The following FGGY variants were observed in gnomAD, a reference collection of about 807,000 sequenced individuals.
The protein encoded by FGGY is FGGY carbohydrate kinase domain containing, also known as FGGY carbohydrate kinase domain-containing protein.
A neutral mutation model predicts 71.3 loss-of-function variants in FGGY; 72 were observed. That is an observed-to-expected ratio of 1.01 (90% CI 0.84 to 1.23). The LOEUF is 1.23. Among genes scored for constraint, FGGY ranks in the 50% most tolerant of loss-of-function variants. The probability of loss-of-function intolerance (pLI) is 0.00; values close to 1 mark genes in which losing one functional copy is unlikely to be tolerated. For missense variants in FGGY, 668 were observed against 682.3 expected (o/e 0.98, Z 0.23); for synonymous variants, 251 against 250.3 (o/e 1.00, Z -0.02).
intron 8 of FGGY, among the ~76,000 whole-genome samples, chr1:59,562,848 A>C (rs1167859668): frequency 2.0e-5 from 3 of 152,184 alleles, no homozygotes; most frequent in African/African-American, 4.8e-5. Context: ...GATCTATGCT[A>C]TGTCAAAACT....
Position 59,510,111 on chromosome 1 carries a change from A to G in FGGY, c.671-2200A>G, listed in dbSNP as rs376042160. Among the ~76,000 whole-genome samples the G allele has an allele frequency of 4.0e-5, 6 of 151,594 alleles. 1 individual carries two copies. Among genetic ancestry groups the G allele is most frequent in the African/African-American group, 7.3e-5 (3 of 41,362 alleles). On this transcript the variant is annotated intron_variant, in intron 6 of 15. Transcript: ENST00000303721. ...TCTCTTGATCCTTTCATCCATTCAGAACCCATTTTTAAACAACTTTTACTC... is the reference window on the plus strand; with the variant it reads ...TCTCTTGATCCTTTCATCCATTCAGGACCCATTTTTAAACAACTTTTACTC...
chr1:59,345,227 C>T (rs2051581524), intron 3 of FGGY, among the ~76,000 whole-genome samples: 1 of 152,154 alleles, frequency 6.6e-6, no homozygotes, highest in African/African-American at 2.4e-5. Context: ...GGTTACTTTG[C>T]CATTAAATAA....
At chr1:59,679,789 A>T (rs1573069841) in intron 14 of FGGY, among the ~76,000 whole-genome samples, 1 of 152,016 alleles carries the variant, frequency 6.6e-6, no homozygotes, top group Admixed American at 6.6e-5. Context: ...TTCTTTATTT[A>T]TCATTTTTGT....
Position 59,438,880 on chromosome 1 carries a change from C to T in FGGY, c.555-18081C>T, listed in dbSNP as rs180957003. On this transcript the variant is annotated intron_variant, in intron 5 of 15. Transcript: ENST00000303721. ...CCAAGTTTTCTTATTTCCTCAGTACCCCTAGCTTTGTTCTGGATGAGGCCA... is the reference window on the plus strand; with the variant it reads ...CCAAGTTTTCTTATTTCCTCAGTACTCCTAGCTTTGTTCTGGATGAGGCCA... 2.7e-3 allele frequency among the ~76,000 whole-genome samples: 411 copies of T among 152,234 alleles called. 3 individuals carry two copies. Among genetic ancestry groups the T allele is most frequent in the African/African-American group, 9.3e-3 (387 of 41,532 alleles).
intron 7 of FGGY, among the ~76,000 whole-genome samples, chr1:59,523,817 A>G (rs1466145536): frequency 6.6e-6 from 1 of 152,258 alleles, no homozygotes; most frequent in Non-Finnish European, 1.5e-5. Flanking sequence ...TGGTTCCATC[A>G]GCTGTCTCTT....
chr1:59,325,593 A>G (rs2047288921), intron 2 of FGGY, among the ~76,000 whole-genome samples: 2 of 152,212 alleles, frequency 1.3e-5, no homozygotes, highest in Admixed American at 6.5e-5. Context: ...TTAAACTATG[A>G]GCTGAGCTCT....
chr1:59,553,990 T>A, intron 7 of FGGY, 134 bp from the exon 8 acceptor site: 1 of 610,328 alleles, frequency 1.6e-6, no homozygotes, highest in South Asian at 3.0e-5. Context: ...TCCTTGAGAC[T>A]GCCCTACACA....
intron 6 of FGGY, among the ~76,000 whole-genome samples, chr1:59,461,822 T>C (rs905983774): frequency 3.9e-5 from 6 of 152,138 alleles, no homozygotes; most frequent in East Asian, 1.9e-4. Flanking sequence ...ATTTTATTTT[T>C]TTCTTCTATT....
At chr1:59,627,489 T>TACACACAC (rs34618549) in intron 10 of FGGY, among the ~76,000 whole-genome samples, 1 of 92,782 alleles carries the variant, frequency 1.1e-5, no homozygotes, top group African/African-American at 5.1e-5. Flanking sequence ...TATATATATA[T>TACACACAC]ACACACACAC....
In FGGY at chr1:59,667,411, T is replaced by A; in HGVS notation, c.1417+8T>A. 6.2e-7 allele frequency: 1 copy of A among 1,613,538 alleles called. No individual in the cohort carries two copies. The highest frequency in any genetic ancestry group is 2.2e-5 in the East Asian group (1 of 44,872). The stretch of plus-strand genomic sequence containing the variant: ...TGCATGCGGACATTACTGGTAAGTC[T>A]GGGAAAGAGGAGAGAAGGTCACTTT... On this transcript the variant is annotated splice_region_variant and intron_variant, in intron 13 of 15. Transcript: ENST00000303721.
chr1:59,348,685 GC>G (rs1202649274), intron 4 of FGGY, among the ~76,000 whole-genome samples: 1 of 152,192 alleles, frequency 6.6e-6, no homozygotes, highest in East Asian at 1.9e-4. Context: ...CTGAGAGGGT[GC>G]CTAAGGATTG....
At chr1:59,542,999 G>A (rs1394242335) in intron 7 of FGGY, among the ~76,000 whole-genome samples, 1 of 152,132 alleles carries the variant, frequency 6.6e-6, no homozygotes, top group Admixed American at 6.5e-5. Flanking sequence ...CAGGTGCAGA[G>A]GTGGAGAGGA....
At chr1:59,306,261 G>T (rs1354632194) in intron 1 of FGGY, among the ~76,000 whole-genome samples, 1 of 152,128 alleles carries the variant, frequency 6.6e-6, no homozygotes, top group African/African-American at 2.4e-5. Flanking sequence ...GATGTGAGGA[G>T]GGGATTTTTG....
At chr1:59,345,605 T>C (rs2051687327) in intron 3 of FGGY, among the ~76,000 whole-genome samples, 1 of 152,198 alleles carries the variant, frequency 6.6e-6, no homozygotes, top group African/African-American at 2.4e-5. Context: ...TCCTGAATTA[T>C]ACATCTTCAT....
chr1:59,546,143 A>G (rs1034107339), intron 7 of FGGY, among the ~76,000 whole-genome samples: 1 of 152,166 alleles, frequency 6.6e-6, no homozygotes, highest in Non-Finnish European at 1.5e-5. Context: ...GTGAAAATAT[A>G]TTGAGTAAAC....
intron 4 of FGGY, among the ~76,000 whole-genome samples, chr1:59,376,852 G>T (rs574036210): frequency 6.6e-6 from 1 of 152,298 alleles, no homozygotes; most frequent in East Asian, 1.9e-4. Context: ...AACCTTTCTT[G>T]CTAGTTCCTC....
chr1:59,479,423 A>G (rs765538068), intron 6 of FGGY, among the ~76,000 whole-genome samples: 24 of 152,150 alleles, frequency 1.6e-4, no homozygotes, highest in Non-Finnish European at 3.1e-4. Context: ...GTAGTGAGTG[A>G]TGGGTTGCTG....
At chr1:59,643,239 G>T (rs1213948487) in intron 11 of FGGY, among the ~76,000 whole-genome samples, 1 of 152,012 alleles carries the variant, frequency 6.6e-6, no homozygotes, top group Non-Finnish European at 1.5e-5. Flanking sequence ...GGAATGCAGT[G>T]GTGCAGTGGC....
intron 10 of FGGY, among the ~76,000 whole-genome samples, chr1:59,632,867 A>G (rs1226387744): frequency 6.6e-6 from 1 of 152,158 alleles, no homozygotes; most frequent in African/African-American, 2.4e-5. Context: ...GCCTTCCCTG[A>G]GCTAGGACAG....
Sources: allele counts gnomAD v4.1 joint callset (sites outside exome capture counted in the v4.1 genomes callset), GRCh38; gene constraint gnomAD v4.1.1; transcripts MANE v1.5; gene names NCBI Gene and HGNC (gene_info 2026-07-23, HGNC 2026-07-21).